The following BBS9 variants were observed in gnomAD, a reference collection of about 807,000 sequenced individuals.
BBS9 encodes protein PTHB1.
Under a neutral mutation model 117.7 loss-of-function variants are expected in BBS9, and 89 were observed. The ratio of observed to expected loss-of-function variants is 0.76; its 90% CI spans 0.64 to 0.90. BBS9 has a LOEUF of 0.90. Among genes scored for constraint, BBS9 ranks in the 40% least tolerant of loss-of-function variants. The pLI, the probability that BBS9 is intolerant of heterozygous loss-of-function variation, is 0.00. For missense variants in BBS9, 982 were observed against 1,042.2 expected, an observed-to-expected ratio of 0.94 and a Z score of 0.80; for synonymous variants, 379 against 370.9, an observed-to-expected ratio of 1.02 and a Z score of -0.25.
At chr7:33,565,797 A>ACCGC (rs201630863) in intron 21 of BBS9, among the ~76,000 whole-genome samples, 53 of 41,442 alleles carry the variant, frequency 1.3e-3, no homozygotes, top group African/African-American at 9.4e-3. Flanking sequence ...ATATATATAT[A>ACCGC]TATATATATA....
At chr7:33,260,102 CA>C (rs1253213170) in intron 6 of BBS9, among the ~76,000 whole-genome samples, 3 of 151,486 alleles carry the variant, frequency 2.0e-5, no homozygotes, top group African/African-American at 7.3e-5. Flanking sequence ...CGCGTTCAAG[CA>C]ATTGTCCTGC....
Position 33,291,834 on chromosome 7 carries a change from T to G in BBS9, c.1016+17878T>G, listed in dbSNP as rs531328961. ...AGGCCTTTGTCTTGCAATATGAATT[T>G]TAATAGGTCTTAATTCCTTAAGTAG... is the stretch of plus-strand genomic sequence containing the variant. On this transcript the variant is annotated intron_variant, in intron 9 of 22. Coordinates refer to ENST00000242067, the MANE Select transcript of BBS9 (RefSeq NM_198428.3). 1.1e-4 allele frequency among the ~76,000 whole-genome samples: 16 copies of G among 152,248 alleles called. 1 individual carries two copies. In the South Asian group the frequency reaches 3.3e-3, roughly 32 times the overall value.
At chr7:33,138,767 G>C (rs2128071959) in intron 1 of BBS9, among the ~76,000 whole-genome samples, 1 of 150,632 alleles carries the variant, frequency 6.6e-6, no homozygotes, top group Non-Finnish European at 1.5e-5. Flanking sequence ...TTTTTGGTGG[G>C]GGGGAAAGAT....
At chr7:33,431,566 C>A (rs1435665729) in intron 19 of BBS9, among the ~76,000 whole-genome samples, 1 of 152,188 alleles carries the variant, frequency 6.6e-6, no homozygotes, top group Non-Finnish European at 1.5e-5. Flanking sequence ...CAGAGGTTGC[C>A]TTGCCCCTTT....
intron 5 of BBS9, among the ~76,000 whole-genome samples, chr7:33,225,802 G>A (rs1312721496): frequency 2.0e-5 from 3 of 150,916 alleles, no homozygotes; most frequent in African/African-American, 4.9e-5. Flanking sequence ...CTGTTGTGGT[G>A]GATAGAGTTA....
chr7:33,206,517 A>G (rs995674283), intron 5 of BBS9, among the ~76,000 whole-genome samples: 1 of 151,762 alleles, frequency 6.6e-6, no homozygotes, highest in Non-Finnish European at 1.5e-5. Flanking sequence ...TAATATTTTT[A>G]CCTTATTTGC....
chr7:33,132,543 G>A (rs537143680), intron 1 of BBS9, among the ~76,000 whole-genome samples: 24 of 152,116 alleles, frequency 1.6e-4, no homozygotes, highest in East Asian at 3.9e-4. Context: ...TGCAAACCTC[G>A]GTTCCTTATT....
chr7:33,212,868 T>A (rs1431298428), intron 5 of BBS9, among the ~76,000 whole-genome samples: 1 of 152,096 alleles, frequency 6.6e-6, no homozygotes, highest in Non-Finnish European at 1.5e-5. Context: ...GAACGTAGTC[T>A]CTCTCTCTCT....
At chr7:33,601,718 A>G (rs1004491836) in intron 21 of BBS9, among the ~76,000 whole-genome samples, 1 of 152,074 alleles carries the variant, frequency 6.6e-6, no homozygotes, top group Non-Finnish European at 1.5e-5. Flanking sequence ...CCCATTGCCC[A>G]TTAGCCCATG....
chr7:33,619,560 T>C (rs1865304873), intron 21 of BBS9, among the ~76,000 whole-genome samples: 1 of 152,158 alleles, frequency 6.6e-6, no homozygotes, highest in Non-Finnish European at 1.5e-5. Flanking sequence ...ACGCATGATA[T>C]TTTTGAATGC....
intron 9 of BBS9, among the ~76,000 whole-genome samples, chr7:33,324,179 A>G (rs1391255679): frequency 6.6e-6 from 1 of 152,152 alleles, no homozygotes; most frequent in African/African-American, 2.4e-5. Context: ...CTCTGGTGGT[A>G]CATTTTAATT....
At chr7:33,368,854 T>C (rs192827624) in intron 17 of BBS9, among the ~76,000 whole-genome samples, 2 of 152,202 alleles carry the variant, frequency 1.3e-5, no homozygotes, top group East Asian at 3.9e-4. Context: ...TCATAATAGT[T>C]TCTGGAATAT....
intron 5 of BBS9, among the ~76,000 whole-genome samples, chr7:33,209,062 T>G (rs1464828709): frequency 6.6e-6 from 1 of 152,202 alleles, no homozygotes; most frequent in Non-Finnish European, 1.5e-5. Flanking sequence ...TTTCTATTTT[T>G]TTGTACATTT....
chr7:33,343,169 C>G (rs1584415074), intron 11 of BBS9, among the ~76,000 whole-genome samples: 1 of 151,946 alleles, frequency 6.6e-6, no homozygotes, highest in South Asian at 2.1e-4. Flanking sequence ...AAAAATACTT[C>G]AAGTAAAAAA....
Position 33,359,005 on chromosome 7 carries a change from T to C in BBS9, c.1693+1010T>C, listed in dbSNP as rs1315525531. Among the ~76,000 whole-genome samples, 3 of 151,900 alleles carry C rather than the reference T, an allele frequency of 2.0e-5. No individual in the cohort carries two copies. The East Asian group carries it at 5.8e-4, about 29-fold the overall frequency. On this transcript the variant is annotated intron_variant, in intron 16 of 22. Coordinates refer to ENST00000242067, the MANE Select transcript of BBS9 (RefSeq NM_198428.3). ...ACTACAATTATTCTATTCTTAAGTG[T>C]GAATTGAGTTTGGAGATATATATGT... is the stretch of plus-strand genomic sequence containing the variant.
At chr7:33,492,873 G>GTA (rs1844207778) in intron 19 of BBS9, among the ~76,000 whole-genome samples, 1 of 149,154 alleles carries the variant, frequency 6.7e-6, no homozygotes, top group Non-Finnish European at 1.5e-5. Flanking sequence ...GAAGGGTACA[G>GTA]TATGGCACAG....
chr7:33,451,386 C>T (rs926849476), intron 19 of BBS9, among the ~76,000 whole-genome samples: 13 of 152,154 alleles, frequency 8.5e-5, no homozygotes, highest in Admixed American at 8.5e-4. Flanking sequence ...GTGTTAAATA[C>T]AGGCCCTATT....
chr7:33,332,078 C>A (rs529881836), intron 9 of BBS9, among the ~76,000 whole-genome samples: 2 of 152,280 alleles, frequency 1.3e-5, no homozygotes, highest in East Asian at 3.9e-4. Context: ...GTTACCCAAA[C>A]AGCATGGTAG....
chr7:33,234,852 A>G (rs1353321692), intron 5 of BBS9, among the ~76,000 whole-genome samples: 1 of 152,092 alleles, frequency 6.6e-6, no homozygotes, highest in Non-Finnish European at 1.5e-5. Flanking sequence ...ATGGAGAAAA[A>G]GTTCTTGGGA....
Sources: allele counts gnomAD v4.1 joint callset (sites outside exome capture counted in the v4.1 genomes callset), GRCh38; gene constraint gnomAD v4.1.1; transcripts MANE v1.5; gene names NCBI Gene and HGNC (gene_info 2026-07-23, HGNC 2026-07-21).